R3HDM1: variants seen among roughly 807,000 people sequenced by gnomAD.
R3HDM1 encodes the protein R3H domain-containing protein 1.
A neutral mutation model predicts 141.1 loss-of-function variants in R3HDM1; 46 were observed. The ratio of observed to expected loss-of-function variants is 0.33; its 90% CI spans 0.26 to 0.42. The LOEUF is 0.42. Among genes scored for constraint, R3HDM1 ranks in the 10% least tolerant of loss-of-function variants. The probability of loss-of-function intolerance (pLI) is 1.00; values close to 1 mark genes in which losing one functional copy is unlikely to be tolerated. For synonymous variants in R3HDM1, 435 were observed against 472.9 expected (o/e 0.92, Z 1.04); for missense variants, 1,184 against 1,368.3 (o/e 0.87, Z 2.12).
rs772693455 is a variant in R3HDM1 at position 135,622,739 on chromosome 2, A to G, written c.497+7A>G. Reference sequence around the variant, plus strand: ...CATTAAAAAACAATCCCAGGTAAAAATTAAATTTATAAGGTTTCCATTGCT... The same window carrying G: ...CATTAAAAAACAATCCCAGGTAAAAGTTAAATTTATAAGGTTTCCATTGCT... On this transcript the variant is annotated splice_region_variant and intron_variant, in intron 7 of 26. Transcript: ENST00000683871. The G allele has an allele frequency of 1.2e-5, 19 of 1,565,156 alleles. No homozygotes were observed. In the Admixed American group the frequency reaches 2.7e-4, roughly 22 times the overall value.
At chr2:135,599,766 C>T (rs1433120531) in intron 1 of R3HDM1, among the ~76,000 whole-genome samples, 1 of 152,158 alleles carries the variant, frequency 6.6e-6, no homozygotes, top group Non-Finnish European at 1.5e-5. Context: ...GGCAAAGTGG[C>T]TCACACCTGT....
At chr2:135,548,723 T>G in intron 1 of R3HDM1, among the ~76,000 whole-genome samples, 1 of 152,226 alleles carries the variant, frequency 6.6e-6, no homozygotes, top group East Asian at 1.9e-4. Flanking sequence ...GTTTTTCAGA[T>G]TTATCCATTT....
At chr2:135,679,401 C>T (rs2069824798) in intron 20 of R3HDM1, among the ~76,000 whole-genome samples, 1 of 152,070 alleles carries the variant, frequency 6.6e-6, no homozygotes, top group Admixed American at 6.5e-5. Context: ...TCCATTTCTT[C>T]TGATAAGAAG....
chr2:135,566,308 G>A lies in R3HDM1; in HGVS notation c.-250+34675G>A, dbSNP rs1370508920. 3.3e-5 allele frequency among the ~76,000 whole-genome samples: 5 copies of A among 152,198 alleles called. No homozygotes were observed. The South Asian group carries it at 8.3e-4, about 25-fold the overall frequency. On this transcript the variant is annotated intron_variant, in intron 1 of 26. Coordinates refer to ENST00000683871, the MANE Select transcript of R3HDM1 (RefSeq NM_001378107.1). ...GAGTTTTTTGCTTTAAAAAAACTTG[G>A]CAATTGTTTTGTAATACTAATCTAG...
chr2:135,719,410 A>G (rs561524766), intron 24 of R3HDM1, among the ~76,000 whole-genome samples: 1 of 151,950 alleles, frequency 6.6e-6, no homozygotes, highest in Non-Finnish European at 1.5e-5. Flanking sequence ...CCTGGGAGGC[A>G]GAGGTTGCAG....
rs747738172 is a variant in R3HDM1, at chr2:135,641,634, G to A, written c.1318G>A (p.Ala440Thr). 24 of 1,613,884 alleles carry A rather than the reference G, an allele frequency of 1.5e-5. No individual in the cohort carries two copies. Among genetic ancestry groups the A allele is most frequent in the South Asian group, 3.3e-5 (3 of 91,080 alleles). Residue 440 changes from alanine (A) to threonine (T), a missense_variant, in exon 15 of 27, where the codon GCA (alanine) becomes ACA (threonine). Physicochemically the swap from Ala to Thr is moderately conservative, Grantham distance 58. Transcript: ENST00000683871. ...GTALSQSSHG[A>T]PVVYPTVSTH... Reference sequence around the variant, plus strand: ...AGCTCTCAGCCAGTCTTCTCATGGCGCACCTGTCGTCTATCCAACTGTCAG... The same window carrying A: ...AGCTCTCAGCCAGTCTTCTCATGGCACACCTGTCGTCTATCCAACTGTCAG...
intron 21 of R3HDM1, among the ~76,000 whole-genome samples, chr2:135,698,296 A>G (rs531483473): frequency 1.3e-5 from 2 of 151,502 alleles, no homozygotes; most frequent in African/African-American, 4.8e-5. Context: ...ACTAGCTGGG[A>G]CTACAGGCAC....
chr2:135,531,672 G>C, intron 1 of R3HDM1, 39 bp downstream of exon 1: 1 of 986,124 alleles, frequency 1.0e-6, no homozygotes, highest in Non-Finnish European at 1.2e-6. Context: ...AGCTCCCCGG[G>C]AATAACGCGC....
chr2:135,672,016 A>ATGTTTATGTTATG (rs1412651933), intron 19 of R3HDM1, among the ~76,000 whole-genome samples: 1 of 152,112 alleles, frequency 6.6e-6, no homozygotes, highest in Non-Finnish European at 1.5e-5. Context: ...GAGAACAACT[A>ATGTTTATGTTATG]ACCAGAAATG....
intron 1 of R3HDM1, among the ~76,000 whole-genome samples, chr2:135,548,109 A>G (rs1699119695): frequency 6.6e-6 from 1 of 152,200 alleles, no homozygotes; most frequent in Middle Eastern, 3.2e-3. Context: ...ATTGATGCAT[A>G]GAATGCTAAG....
intron 1 of R3HDM1, among the ~76,000 whole-genome samples, chr2:135,565,258 T>G (rs1185913172): frequency 6.6e-6 from 1 of 151,602 alleles, no homozygotes; most frequent in Non-Finnish European, 1.5e-5. Context: ...TTTATGAGAG[T>G]GTACATTTGC....
intron 1 of R3HDM1, chr2:135,581,091 T>C (rs1706704702): frequency 1.4e-6 from 1 of 690,204 alleles, no homozygotes; most frequent in African/African-American, 2.0e-5. Context: ...ATCTATGGTA[T>C]GAAGAATAAA....
intron 21 of R3HDM1, among the ~76,000 whole-genome samples, chr2:135,699,627 T>C (rs1025824643): frequency 1.3e-5 from 2 of 152,180 alleles, no homozygotes; most frequent in African/African-American, 4.8e-5. Context: ...ATTATCAGAG[T>C]AGAAGAATGT....
intron 24 of R3HDM1, among the ~76,000 whole-genome samples, chr2:135,720,185 C>G (rs1253569253): frequency 6.6e-6 from 1 of 152,196 alleles, no homozygotes; most frequent in Admixed American, 6.5e-5. Context: ...CACTTTGCAT[C>G]TCTGATCTCA....
At chr2:135,560,381 T>A (rs1039029404) in intron 1 of R3HDM1, among the ~76,000 whole-genome samples, 3 of 152,212 alleles carry the variant, frequency 2.0e-5, no homozygotes, top group African/African-American at 7.2e-5. Flanking sequence ...AGTGGCGCTG[T>A]CTCGGCTCAC....
chr2:135,622,884 T>C, intron 7 of R3HDM1, 152 bp downstream of exon 7: 1 of 1,351,400 alleles, frequency 7.4e-7, no homozygotes, highest in Non-Finnish European at 9.5e-7. Flanking sequence ...AAGATGTTGT[T>C]GGTCTAGTAT....
chr2:135,599,555 C>G (rs2059454871), intron 1 of R3HDM1, among the ~76,000 whole-genome samples: 1 of 152,114 alleles, frequency 6.6e-6, no homozygotes, highest in Non-Finnish European at 1.5e-5. Flanking sequence ...ACATGATGTG[C>G]CATGTCTATC....
intron 1 of R3HDM1, among the ~76,000 whole-genome samples, chr2:135,567,194 G>A (rs1025498702): frequency 9.2e-5 from 14 of 152,246 alleles, no homozygotes; most frequent in African/African-American, 1.4e-4. Flanking sequence ...TCTGCAGCCC[G>A]TAGACAGGTA....
intron 21 of R3HDM1, among the ~76,000 whole-genome samples, chr2:135,704,030 G>C (rs1312027380): frequency 6.6e-6 from 1 of 152,126 alleles, no homozygotes; most frequent in Non-Finnish European, 1.5e-5. Context: ...GCCCAGGCTG[G>C]AGTGCAGTGG....
Sources: allele counts gnomAD v4.1 joint callset (sites outside exome capture counted in the v4.1 genomes callset), GRCh38; gene constraint gnomAD v4.1.1; transcripts MANE v1.5; gene names NCBI Gene and HGNC (gene_info 2026-07-23, HGNC 2026-07-21).